The following VPS50 variants were observed in gnomAD, a reference collection of about 807,000 sequenced individuals.
VPS50 encodes the protein VPS50 subunit of EARP/GARPII complex.
VPS50 carries 70 observed loss-of-function variants against 139.7 expected under a neutral mutation model. The ratio of observed to expected loss-of-function variants is 0.50; its 90% confidence interval spans 0.41 to 0.61. The LOEUF is 0.61. Ranked by LOEUF, VPS50 falls within the 20% of genes least tolerant of loss-of-function variation. The pLI is 0.00. For missense variants in VPS50, 921 were observed against 1,133.7 expected (o/e 0.81, Z 2.69); for synonymous variants, 365 against 376.7 (o/e 0.97, Z 0.36).
chr7:93,337,122 A>G (rs920505545), intron 22 of VPS50, among the ~76,000 whole-genome samples: 2 of 152,294 alleles, frequency 1.3e-5, no homozygotes, highest in South Asian at 2.1e-4. Context: ...CTTCAAGCGT[A>G]TTTTCCTAAA....
At chr7:93,250,725 A>T (rs980712775) in intron 2 of VPS50, among the ~76,000 whole-genome samples, 1 of 152,242 alleles carries the variant, frequency 6.6e-6, no homozygotes, top group Admixed American at 6.5e-5. Context: ...GCTTCTGCAC[A>T]GCAAAAGAAA....
At chr7:93,332,880 A>G (rs1797975794) in intron 21 of VPS50, among the ~76,000 whole-genome samples, 1 of 152,232 alleles carries the variant, frequency 6.6e-6, no homozygotes. Flanking sequence ...AAGATTATAT[A>G]CTATGTGATT....
chr7:93,296,285 A>G (rs1776753851), intron 14 of VPS50, among the ~76,000 whole-genome samples: 1 of 152,194 alleles, frequency 6.6e-6, no homozygotes. Context: ...AAAATTAAAT[A>G]TTTAATTTAT....
chr7:93,263,407 C>A (rs1339292073), intron 9 of VPS50, among the ~76,000 whole-genome samples: 2 of 152,008 alleles, frequency 1.3e-5, no homozygotes, highest in Non-Finnish European at 2.9e-5. Context: ...AGAGAATCAC[C>A]CCATGATATA....
intron 22 of VPS50, among the ~76,000 whole-genome samples, chr7:93,337,961 ATATTTC>A (rs1798110414): frequency 6.6e-6 from 1 of 152,082 alleles, no homozygotes. Flanking sequence ...TCTGTTATTT[ATATTTC>A]TACCTCTTTT....
chr7:93,241,643 T>G (rs1245192208), intron 2 of VPS50, among the ~76,000 whole-genome samples: 1 of 152,006 alleles, frequency 6.6e-6, no homozygotes, highest in Non-Finnish European at 1.5e-5. Context: ...TCTGAGAACA[T>G]GAGAGTTGCT....
intron 9 of VPS50, among the ~76,000 whole-genome samples, chr7:93,264,526 T>C (rs117743952): frequency 6.6e-6 from 1 of 152,228 alleles, no homozygotes; most frequent in African/African-American, 2.4e-5. Context: ...CACTGTAAGG[T>C]TTGCATACTG....
intron 12 of VPS50, 131 bp from the exon 13 acceptor site, chr7:93,291,572 T>C (rs1226943648): frequency 3.0e-5 from 15 of 497,300 alleles, no homozygotes; most frequent in Non-Finnish European, 3.4e-6. Context: ...ATTTTCTCTT[T>C]AGATATGTCA....
chr7:93,273,870 G>A (rs1233094923), intron 11 of VPS50, among the ~76,000 whole-genome samples: 1 of 152,094 alleles, frequency 6.6e-6, no homozygotes, highest in Non-Finnish European at 1.5e-5. Flanking sequence ...CTTCATGTCT[G>A]TGTGTCAGAT....
chr7:93,302,901 G>A (rs1018895673), intron 16 of VPS50, among the ~76,000 whole-genome samples: 5 of 151,986 alleles, frequency 3.3e-5, no homozygotes, highest in African/African-American at 1.2e-4. Context: ...TGGTGTAAGT[G>A]ATTAGTGTAA....
intron 25 of VPS50, among the ~76,000 whole-genome samples, chr7:93,351,554 T>A (rs1377030506): frequency 6.6e-6 from 1 of 152,140 alleles, no homozygotes; most frequent in Non-Finnish European, 1.5e-5. Flanking sequence ...TGGTGTCTAG[T>A]GAAGGTTTGA....
chr7:93,356,091 GA>G lies in VPS50; in HGVS notation c.2775+15del. The G allele has an allele frequency of 7.5e-7, 1 of 1,328,012 alleles. No individual in the cohort carries two copies. The highest frequency in any genetic ancestry group is 1.0e-6 in the Non-Finnish European group (1 of 991,324). The allele number at this position is 1,328,012 out of a possible 1,614,324, so 82.3% of individuals were successfully genotyped here. ...ATCAAAGAGCACAGGGTGAGAGCTGGAAAATAGTTAATTAAGTTTTTATTCC... is the reference window on the plus strand; with the variant it reads ...ATCAAAGAGCACAGGGTGAGAGCTGGAAATAGTTAATTAAGTTTTTATTCC... On this transcript the variant is annotated intron_variant, in intron 27 of 27. Coordinates refer to ENST00000305866, the MANE Select transcript of VPS50 (RefSeq NM_017667.4).
At chr7:93,331,230 A>G in intron 21 of VPS50, among the ~76,000 whole-genome samples, 1 of 148,984 alleles carries the variant, frequency 6.7e-6, no homozygotes, top group South Asian at 2.1e-4. Context: ...AACTGTAACA[A>G]GGTTTTTTTT....
chr7:93,314,106 G>A (rs1797352524), intron 20 of VPS50, among the ~76,000 whole-genome samples: 2 of 152,148 alleles, frequency 1.3e-5, no homozygotes, highest in African/African-American at 4.8e-5. Flanking sequence ...TCCATCCGCT[G>A]TTGTTATTGC....
chr7:93,353,085 G>A (rs539031256), intron 25 of VPS50, among the ~76,000 whole-genome samples: 56 of 152,104 alleles, frequency 3.7e-4, no homozygotes, highest in Admixed American at 1.0e-3. Context: ...TCCAAAACTG[G>A]AAAAAATCCA....
chr7:93,302,689 C>T (rs1421885507), intron 16 of VPS50, among the ~76,000 whole-genome samples: 1 of 151,674 alleles, frequency 6.6e-6, no homozygotes, highest in African/African-American at 2.4e-5. Context: ...TTATTTTGAA[C>T]CTGTGGATTT....
At chr7:93,289,006 T>A (rs1470924716) in intron 12 of VPS50, among the ~76,000 whole-genome samples, 13 of 152,000 alleles carry the variant, frequency 8.6e-5, no homozygotes, top group Admixed American at 8.5e-4. Context: ...AGCCTTGAGT[T>A]TTTTCAGGCC....
At chr7:93,257,651 A>G (rs1795527411) in intron 6 of VPS50, 187 bp downstream of exon 6, 1 of 422,578 alleles carries the variant, frequency 2.4e-6, no homozygotes, top group East Asian at 3.8e-5. Context: ...CTCTAAGTGT[A>G]CTTATGGGTT....
At chr7:93,350,121 A>C (rs1045999036) in intron 25 of VPS50, 88 bp downstream of exon 25, 2 of 832,976 alleles carry the variant, frequency 2.4e-6, no homozygotes, top group African/African-American at 3.5e-5. Flanking sequence ...TAGTAAGATT[A>C]TAGTTATTAC....
Sources: allele counts gnomAD v4.1 joint callset (sites outside exome capture counted in the v4.1 genomes callset), GRCh38; gene constraint gnomAD v4.1.1; transcripts MANE v1.5; gene names NCBI Gene and HGNC (gene_info 2026-07-23, HGNC 2026-07-21).